Variants in ZNF124 observed in about 807,000 individuals in gnomAD.
ZNF124 encodes zinc finger protein HZF-16.
ZNF124 carries 25 observed loss-of-function variants against 26.6 expected under a neutral mutation model. That is an observed-to-expected ratio of 0.94 (90% CI 0.68 to 1.31). The LOEUF is 1.31. Among genes scored for constraint, ZNF124 ranks in the 40% most tolerant of loss-of-function variants. ZNF124 has a pLI of 0.00. For missense variants in ZNF124, 444 were observed against 422.2 expected, an observed-to-expected ratio of 1.05 and a Z score of -0.45; for synonymous variants, 129 against 133.3, an observed-to-expected ratio of 0.97 and a Z score of 0.22.
At position 247,171,834 on chromosome 1, in the gene ZNF124, G is replaced by A; in HGVS notation, c.30+14C>T. ...GCCCCTTCCCTTCTCCAGACCCCCG[G>A]CGGCGCAACTCACCATTTCCCAGCT... On this transcript the variant is annotated intron_variant, in intron 1 of 3. Transcript: ENST00000543802. 1 of 1,144 alleles carries A rather than the reference G, an allele frequency of 8.7e-4. No homozygotes were observed. Among genetic ancestry groups the A allele is most frequent in the Non-Finnish European group, 1.4e-3 (1 of 736 alleles). 0.1% of individuals were successfully genotyped at this position (1,144 alleles called of 1,614,324 possible). A position where few individuals can be genotyped will look rare whatever the true frequency, so the allele number is the denominator to read the frequency against.
intron 3 of ZNF124, among the ~76,000 whole-genome samples, chr1:247,147,015 G>C (rs1159933238): frequency 1.3e-5 from 2 of 152,046 alleles, no homozygotes; most frequent in Non-Finnish European, 2.9e-5. Context: ...GTGCAAATTT[G>C]GGGGGAGTTA....
At position 247,157,154 on chromosome 1, in the gene ZNF124, C is replaced by T. The variant is rs1219215369; in HGVS notation, c.468G>A (p.Gly156=). ...GAGAACGGGAAAAACCTAAGGCTTT[C>T]CCACATTCCATACATTCATAGGGTT... ...GEKPYECMEC[G]KALGFSRSLN... is the part of the protein sequence containing the mutation. The change falls in exon 4 of 4, where the codon GGG becomes GGA. Residue 156 remains glycine (G), a synonymous_variant. Transcript: ENST00000543802. The T allele has an allele frequency of 1.9e-6, 3 of 1,613,852 alleles. No individual in the cohort carries two copies. The highest frequency in any genetic ancestry group is 1.1e-5 in the South Asian group (1 of 91,052).
chr1:247,124,536 CCCAA>C (rs1327732818), intron 3 of ZNF124, among the ~76,000 whole-genome samples: 1 of 152,038 alleles, frequency 6.6e-6, no homozygotes, highest in Non-Finnish European at 1.5e-5. Context: ...CACAGAGTTG[CCCAA>C]CCATCATCAC....
At chr1:247,151,339 C>T (rs1370364194), downstream of ZNF124, among the ~76,000 whole-genome samples, 2 of 151,974 alleles carry the variant, frequency 1.3e-5, no homozygotes, top group African/African-American at 4.8e-5. Flanking sequence ...ATTAGCCGGG[C>T]GTGGTGGCGG....
At chr1:247,146,784 G>A (rs1246336615) in intron 3 of ZNF124, among the ~76,000 whole-genome samples, 1 of 152,116 alleles carries the variant, frequency 6.6e-6, no homozygotes. Flanking sequence ...CTGGATTTTT[G>A]TTTTTGAGAC....
At position 247,157,370 on chromosome 1, in the gene ZNF124, A is replaced by G. The variant is rs1254302667; in HGVS notation, c.252T>C (p.Tyr84=). The part of the protein sequence containing the change: ...HIISHSGNNP[Y]GCEECGKKPC... Reference sequence around the variant, plus strand: ...GCTTCTTTCCGCATTCCTCACACCCATATGGGTTGTTTCCAGAATGAGATA... The same window carrying G: ...GCTTCTTTCCGCATTCCTCACACCCGTATGGGTTGTTTCCAGAATGAGATA... The change falls in exon 4 of 4, where the codon TAT becomes TAC. Residue 84 remains tyrosine (Y), a synonymous_variant. Transcript: ENST00000543802. The G allele has an allele frequency of 1.3e-6, 2 of 1,553,376 alleles. No homozygotes were observed. The highest frequency in any genetic ancestry group is 1.7e-6 in the Non-Finnish European group (2 of 1,147,626).
chr1:247,151,866 A>C (rs1672955964), downstream of ZNF124, among the ~76,000 whole-genome samples: 1 of 151,916 alleles, frequency 6.6e-6, no homozygotes, highest in African/African-American at 2.4e-5. Context: ...AACTCAAAAC[A>C]ACCTACTGGA....
In ZNF124 at chr1:247,156,914, G is replaced by A. The variant is rs1417900028; in HGVS notation, c.708C>T (p.Cys236=). The change falls in exon 4 of 4, where the codon TGC becomes TGT. Residue 236 remains cysteine (C), a synonymous_variant. Transcript: ENST00000543802. Reference sequence around the variant, plus strand: ...AACTGAAAGCTTTGCCACATTCCATGCACACATAAGGTTTCTCTCCAGTGT... The same window carrying A: ...AACTGAAAGCTTTGCCACATTCCATACACACATAAGGTTTCTCTCCAGTGT... The part of the protein sequence containing the change: ...RTHTGEKPYV[C]MECGKAFSCL... 3.1e-6 allele frequency: 5 copies of A among 1,613,714 alleles called. No individual in the cohort carries two copies. In the African/African-American group the frequency reaches 4.0e-5, roughly 13 times the overall value.
At chr1:247,151,256 G>A (rs918107339), downstream of ZNF124, among the ~76,000 whole-genome samples, 45 of 152,176 alleles carry the variant, frequency 3.0e-4, no homozygotes, top group African/African-American at 9.4e-4. Flanking sequence ...GAGGCGGGCG[G>A]ATCATGAGGT....
rs959115932 is a variant in ZNF124, at chr1:247,159,127, C to T, written c.158-61G>A. On this transcript the variant is annotated intron_variant, in intron 2 of 3. Coordinates refer to ENST00000543802, the MANE Select transcript of ZNF124 (RefSeq NM_001297568.2). ...TTGAAATTATAGAAAAATTACTAGA[C>T]TCTAGGTGCTATGTTGGGGATATGG... 4.0e-6 allele frequency: 6 copies of T among 1,490,364 alleles called. No individual in the cohort carries two copies. The African/African-American group carries it at 5.7e-5, about 14-fold the overall frequency. 92.3% of individuals were successfully genotyped at this position (1,490,364 alleles called of 1,614,324 possible).
chr1:247,147,349 C>G (rs1287107344), intron 3 of ZNF124, among the ~76,000 whole-genome samples: 1 of 151,652 alleles, frequency 6.6e-6, no homozygotes, highest in Non-Finnish European at 1.5e-5. Context: ...GCCTCAGCCT[C>G]CAGAGTAGCT....
At chr1:247,138,416 T>C (rs991062413) in intron 3 of ZNF124, 1 of 208,532 alleles carries the variant, frequency 4.8e-6, no homozygotes, top group African/African-American at 2.5e-5. Context: ...GAGCTGAACA[T>C]TGAGAACACA....
chr1:247,128,896 G>C, intron 3 of ZNF124, among the ~76,000 whole-genome samples: 1 of 143,942 alleles, frequency 6.9e-6, no homozygotes, highest in South Asian at 2.2e-4. Context: ...TGGGGTGGGA[G>C]GATTCAGGAG....
chr1:247,163,577 A>G (rs1466882147), intron 1 of ZNF124, among the ~76,000 whole-genome samples: 1 of 152,144 alleles, frequency 6.6e-6, no homozygotes, highest in Non-Finnish European at 1.5e-5. Context: ...AAAACCTCCC[A>G]AGATTGAACC....
intron 3 of ZNF124, among the ~76,000 whole-genome samples, chr1:247,133,503 G>A (rs572889053): frequency 2.6e-5 from 4 of 152,202 alleles, no homozygotes; most frequent in Non-Finnish European, 5.9e-5. Flanking sequence ...ATTCTCCAAG[G>A]TCAAAATGAA....
chr1:247,135,825 T>C (rs1367631144), intron 3 of ZNF124, among the ~76,000 whole-genome samples: 4 of 152,182 alleles, frequency 2.6e-5, no homozygotes, highest in Admixed American at 6.5e-5. Flanking sequence ...AAAAAACTTA[T>C]TCACCACGAT....
At chr1:247,140,281 AC>A (rs1463885035) in intron 3 of ZNF124, among the ~76,000 whole-genome samples, 8 of 152,146 alleles carry the variant, frequency 5.3e-5, no homozygotes, top group Non-Finnish European at 1.2e-4. Flanking sequence ...TGCTGTTAAT[AC>A]TTGTGACTGC....
intron 1 of ZNF124, among the ~76,000 whole-genome samples, chr1:247,161,156 G>A (rs1274697833): frequency 6.6e-6 from 1 of 152,176 alleles, no homozygotes; most frequent in Non-Finnish European, 1.5e-5. Flanking sequence ...CAGTGTGATG[G>A]TTTGCCTAAT....
At chr1:247,124,400 A>C (rs1485450893) in intron 3 of ZNF124, among the ~76,000 whole-genome samples, 3 of 150,938 alleles carry the variant, frequency 2.0e-5, no homozygotes, top group Non-Finnish European at 4.4e-5. Context: ...ACAGCGTTTC[A>C]CCATGTTGGC....
Sources: gnomAD v4.1 joint callset for allele counts (sites outside exome capture counted in the v4.1 genomes callset) on GRCh38, gnomAD v4.1.1 for gene constraint, MANE v1.5 for transcripts, NCBI Gene and HGNC (gene_info 2026-07-23, HGNC 2026-07-21) for gene names.